PCDHGA1: variants seen among roughly 807,000 people sequenced by gnomAD.
PCDHGA1 encodes the protein protocadherin gamma subfamily A, 1.
In PCDHGA1, 32 loss-of-function variants were observed where a neutral mutation model predicts 58.0. The ratio of observed to expected loss-of-function variants is 0.55; its 90% confidence interval spans 0.42 to 0.74. PCDHGA1 has a LOEUF of 0.74. Ranked by LOEUF, PCDHGA1 falls within the 30% of genes least tolerant of loss-of-function variation. PCDHGA1 has a pLI of 0.00. For synonymous variants in PCDHGA1, 498 were observed against 501.1 expected, an observed-to-expected ratio of 0.99 and a Z score of 0.08; for missense variants, 1,205 against 1,182.3, an observed-to-expected ratio of 1.02 and a Z score of -0.28.
chr5:141,409,312 AAC>A (rs762706827), intron 1 of PCDHGA1: 39 of 1,613,880 alleles, frequency 2.4e-5, no homozygotes, highest in Admixed American at 1.7e-4. Flanking sequence ...CCCTCTTCAA[AAC>A]ACGGGATCTG....
Position 141,491,029 on chromosome 5 carries a change from G to T in PCDHGA1, c.2422-3778G>T. 1 of 1,614,172 alleles carries T rather than the reference G, an allele frequency of 6.2e-7. No homozygotes were observed. The highest frequency in any genetic ancestry group is 1.1e-5 in the South Asian group (1 of 91,088). On this transcript the variant is annotated intron_variant, in intron 1 of 3. Coordinates refer to ENST00000517417, the MANE Select transcript of PCDHGA1 (RefSeq NM_018912.3). The surrounding 1 kb of genome is among the most constrained non-coding windows in gnomAD (Gnocchi z 6.9). ...GGTCACCAAGGTGACAGCCGTGGAT[G>T]CTGATGCAGGCCACAATGCGTGGCT...
rs774151451 is a variant in PCDHGA1 at position 141,374,148 on chromosome 5, C to A, written c.2421+41043C>A. On this transcript the variant is annotated intron_variant, in intron 1 of 3. Coordinates refer to ENST00000517417, the MANE Select transcript of PCDHGA1 (RefSeq NM_018912.3). The stretch of plus-strand genomic sequence containing the variant: ...GTCCTGCTCCTCACGCTCCTGGGGA[C>A]GCTGTGGGGGGCCGCGGCAGCGCAG... 1.2e-6 allele frequency: 2 copies of A among 1,611,000 alleles called. No individual in the cohort carries two copies. Among genetic ancestry groups the A allele is most frequent in the African/African-American group, 2.7e-5 (2 of 74,910 alleles).
intron 1 of PCDHGA1, chr5:141,372,361 C>T (rs1227917364): frequency 1.2e-6 from 2 of 1,613,834 alleles, no homozygotes; most frequent in Admixed American, 3.3e-5. Flanking sequence ...CCTCTTTCAG[C>T]CACCGTCATG....
intron 1 of PCDHGA1, chr5:141,478,920 CCAGTGG>C: frequency 2.7e-6 from 2 of 728,392 alleles, no homozygotes; most frequent in South Asian, 4.5e-5. Flanking sequence ...ATACCTCTAA[CCAGTGG>C]CAGCTTCTAG....
In PCDHGA1 at chr5:141,511,318, A is replaced by C; in HGVS notation, c.*145A>C. 2 of 1,476,400 alleles carry C rather than the reference A, an allele frequency of 1.4e-6. No homozygotes were observed. Among genetic ancestry groups the C allele is most frequent in the South Asian group, 2.7e-5 (2 of 72,796 alleles). 91.5% of individuals were successfully genotyped at this position (1,476,400 alleles called of 1,614,324 possible). On this transcript the variant is annotated 3_prime_UTR_variant, in exon 4 of 4. Transcript: ENST00000517417. The stretch of plus-strand genomic sequence containing the variant: ...GCCATGCTCCCCTTGGGAAACAGAA[A>C]CAAGTGCCCAGTCAGCACCTACCCC...
rs764957747 is a variant in PCDHGA1, at chr5:141,505,453, G to A, written c.2541G>A (p.Leu847=). Residue 847 remains leucine (L), a synonymous_variant, in exon 3 of 4, where the codon CTG becomes CTA. Coordinates refer to ENST00000517417, the MANE Select transcript of PCDHGA1 (RefSeq NM_018912.3). ...ACAACCAGTTTGACACAGAGATGCT[G>A]CAAGCCATGATCTTGGCGTCCGCCA... ...WPNNQFDTEM[L]QAMILASASE... 3 of 1,614,190 alleles carry A rather than the reference G, an allele frequency of 1.9e-6. No individual in the cohort carries two copies. Among genetic ancestry groups the A allele is most frequent in the Non-Finnish European group, 2.5e-6 (3 of 1,180,012 alleles).
At chr5:141,441,725 C>T (rs2098268012) in intron 1 of PCDHGA1, 3 of 352,332 alleles carry the variant, frequency 8.5e-6, no homozygotes. Flanking sequence ...AGGCCCGCGA[C>T]CAGGACTAGC....
chr5:141,403,390 G>C (rs1471861396), intron 1 of PCDHGA1: 2 of 1,613,920 alleles, frequency 1.2e-6, no homozygotes, highest in Admixed American at 1.7e-5. Flanking sequence ...ACGAAATCGC[G>C]GTTCCTGGAG....
intron 1 of PCDHGA1, chr5:141,345,074 TACA>T (rs1757515927): frequency 6.2e-7 from 1 of 1,613,826 alleles, no homozygotes; most frequent in Non-Finnish European, 8.5e-7. Flanking sequence ...CTCCAGAAAT[TACA>T]ATCACGTCTC....
chr5:141,375,073 A>T, intron 1 of PCDHGA1: 1 of 1,614,030 alleles, frequency 6.2e-7, no homozygotes, highest in Non-Finnish European at 8.5e-7. Flanking sequence ...TTCGAGACAG[A>T]GCGAAAGTCT....
chr5:141,419,936 G>T, intron 1 of PCDHGA1: 2 of 1,614,074 alleles, frequency 1.2e-6, no homozygotes, highest in Non-Finnish European at 1.7e-6. Context: ...GTTTTACCTG[G>T]TGGTGGCCTT....
chr5:141,354,055 T>C (rs1040476692), intron 1 of PCDHGA1, among the ~76,000 whole-genome samples: 21 of 152,198 alleles, frequency 1.4e-4, no homozygotes, highest in African/African-American at 4.3e-4. Context: ...GCAATGATAA[T>C]CCATGTTCGG....
chr5:141,465,574 C>T (rs1477852984), intron 1 of PCDHGA1, among the ~76,000 whole-genome samples: 2 of 152,160 alleles, frequency 1.3e-5, no homozygotes, highest in Admixed American at 1.3e-4. Context: ...TTTCTCAAAA[C>T]ACTCTCATAA....
Position 141,332,060 on chromosome 5 carries a change from C to G in PCDHGA1, c.1376C>G (p.Ala459Gly). ...GTCTTCCATCAGGACTCCTACTCTG[C>G]CTACATTCCCGAAAACAACCCCAGA... ...SPVFHQDSYS[A>G]YIPENNPRGA... The change falls in exon 1 of 4, where the codon GCC becomes GGC. Residue 459 changes from alanine (A) to glycine (G), a missense_variant. Ala to Gly is a moderately conservative substitution (Grantham distance 60, BLOSUM62 0). Coordinates refer to ENST00000517417, the MANE Select transcript of PCDHGA1 (RefSeq NM_018912.3). This position sits in a 1 kb window ranked among gnomAD's most constrained non-coding sequence, Gnocchi z 4.6. 6.2e-7 allele frequency: 1 copy of G among 1,614,162 alleles called. No homozygotes were observed. Among genetic ancestry groups the G allele is most frequent in the Non-Finnish European group, 8.5e-7 (1 of 1,180,036 alleles).
In PCDHGA1 at chr5:141,351,289, G is replaced by A. The variant is rs1197454065; in HGVS notation, c.2421+18184G>A. 5 of 1,613,794 alleles carry A rather than the reference G, an allele frequency of 3.1e-6. No individual in the cohort carries two copies. The African/African-American group carries it at 4.0e-5, about 13-fold the overall frequency. The stretch of plus-strand genomic sequence containing the variant: ...ACGAGAATGACAATGCCCCAGAGGT[G>A]ACATTCATGTCCTTCTCTAACCAGA... On this transcript the variant is annotated intron_variant, in intron 1 of 3. Coordinates refer to ENST00000517417, the MANE Select transcript of PCDHGA1 (RefSeq NM_018912.3).
intron 1 of PCDHGA1, chr5:141,478,782 T>C: frequency 6.7e-7 from 1 of 1,485,212 alleles, no homozygotes. Context: ...GTGGACCTAA[T>C]TCACATCCTC....
chr5:141,505,557 A>C (rs2099846692), intron 3 of PCDHGA1, 76 bp downstream of exon 3: 1 of 1,606,080 alleles, frequency 6.2e-7, no homozygotes, highest in Non-Finnish European at 8.5e-7. Flanking sequence ...CACCATGCCC[A>C]CGGACTGGAT....
chr5:141,508,829 C>G (rs370074494), intron 3 of PCDHGA1, among the ~76,000 whole-genome samples: 10 of 152,240 alleles, frequency 6.6e-5, no homozygotes, highest in Middle Eastern at 3.4e-3. Context: ...TCTGGGCCCC[C>G]CTCCCCTACC....
chr5:141,390,199 G>A (rs753440941), intron 1 of PCDHGA1: 2 of 1,614,054 alleles, frequency 1.2e-6, no homozygotes, highest in South Asian at 2.2e-5. Context: ...GAGCAGTTGA[G>A]TTCAGGACAA....
Sources: allele counts gnomAD v4.1 joint callset (sites outside exome capture counted in the v4.1 genomes callset), GRCh38; gene constraint gnomAD v4.1.1; non-coding constraint Gnocchi (gnomAD v3.1); transcripts MANE v1.5; gene names NCBI Gene and HGNC (gene_info 2026-07-23, HGNC 2026-07-21).